The following CTNND2 variants were observed in gnomAD, a reference collection of about 807,000 sequenced individuals.
CTNND2 encodes the protein catenin delta-2.
CTNND2 carries 22 observed loss-of-function variants against 144.4 expected under a neutral mutation model. The observed-to-expected ratio is 0.15, with a 90% CI of 0.11 to 0.22. The LOEUF (loss-of-function observed/expected upper bound fraction) is 0.22, where lower values mean the gene tolerates loss of function less well. CTNND2 is among the 10% of genes least tolerant of loss of function. CTNND2 has a pLI of 1.00. For synonymous variants in CTNND2, 751 were observed against 695.6 expected, an observed-to-expected ratio of 1.08 and a Z score of -1.25; for missense variants, 1,353 against 1,618.8, an observed-to-expected ratio of 0.84 and a Z score of 2.82.
At position 10,973,656 on chromosome 5, in the gene CTNND2, G is replaced by T; in HGVS notation, c.3475C>A (p.Pro1159Thr). ...PSRKDYETYQPFQNSTRNYDE... is the reference protein window; with the variant it reads ...PSRKDYETYQTFQNSTRNYDE... ...TAATTTCTTGTGGAATTCTGAAATG[G>T]CTGGTAGGTCTCGTAATCTTTTCTG... is the stretch of plus-strand genomic sequence containing the variant. The change falls in exon 22 of 22, where the codon CCA becomes ACA. Residue 1159 changes from proline to threonine, a missense_variant. Coordinates refer to ENST00000304623, the MANE Select transcript of CTNND2 (RefSeq NM_001332.4). This position sits in a 1 kb window ranked among gnomAD's most constrained non-coding sequence, Gnocchi z 5.6. The T allele has an allele frequency of 6.2e-7, 1 of 1,613,936 alleles. No homozygotes were observed. The highest frequency in any genetic ancestry group is 8.5e-7 in the Non-Finnish European group (1 of 1,179,904).
chr5:11,319,173 C>A (rs939661749), intron 9 of CTNND2, among the ~76,000 whole-genome samples: 1 of 151,990 alleles, frequency 6.6e-6, no homozygotes, highest in Non-Finnish European at 1.5e-5. Flanking sequence ...TTCTGTAGAA[C>A]CTTCTATCTA....
chr5:11,636,365 G>C (rs1051460019), intron 2 of CTNND2, among the ~76,000 whole-genome samples: 2 of 152,152 alleles, frequency 1.3e-5, no homozygotes, highest in African/African-American at 2.4e-5. Context: ...AAAGTAAGAA[G>C]TAAATGCATG....
chr5:10,977,210 A>G (rs10052295), intron 21 of CTNND2, among the ~76,000 whole-genome samples: 44,512 of 152,118 alleles, frequency 0.29, 7,150 homozygotes, highest in African/African-American at 0.43. Flanking sequence ...TCATTTCTGC[A>G]GACAATTACA....
At chr5:11,051,830 G>A (rs1190073033) in intron 16 of CTNND2, among the ~76,000 whole-genome samples, 1 of 152,140 alleles carries the variant, frequency 6.6e-6, no homozygotes, top group Non-Finnish European at 1.5e-5. Context: ...CAGATCTTGT[G>A]TCCCAAAGCA....
chr5:11,369,518 C>G (rs1757273045), intron 7 of CTNND2, among the ~76,000 whole-genome samples: 1 of 152,156 alleles, frequency 6.6e-6, no homozygotes, highest in Non-Finnish European at 1.5e-5. Context: ...CGATTTGTAA[C>G]TAAATTTCTA....
At chr5:11,049,573 AC>A (rs2149579718) in intron 16 of CTNND2, among the ~76,000 whole-genome samples, 1 of 152,240 alleles carries the variant, frequency 6.6e-6, no homozygotes, top group East Asian at 1.9e-4. Flanking sequence ...CTGCGAGTTT[AC>A]CCCAGTCAGC....
intron 9 of CTNND2, among the ~76,000 whole-genome samples, chr5:11,321,714 T>C (rs1227000688): frequency 1.3e-5 from 2 of 152,190 alleles, no homozygotes; most frequent in East Asian, 3.9e-4. Flanking sequence ...AATGCACATA[T>C]GCACCACACA....
intron 9 of CTNND2, 121 bp from the exon 10 acceptor site, chr5:11,236,944 G>C: frequency 9.2e-7 from 1 of 1,081,344 alleles, no homozygotes; most frequent in Non-Finnish European, 1.3e-6. Context: ...ATAAATGACT[G>C]TTCTGGTTTT....
chr5:11,399,976 T>C (rs1368887276), intron 5 of CTNND2, among the ~76,000 whole-genome samples: 1 of 152,248 alleles, frequency 6.6e-6, no homozygotes, highest in African/African-American at 2.4e-5. Flanking sequence ...TTAGGACAAT[T>C]CTTAACTACT....
At chr5:11,320,697 A>T (rs1004417665) in intron 9 of CTNND2, among the ~76,000 whole-genome samples, 2 of 152,280 alleles carry the variant, frequency 1.3e-5, no homozygotes, top group African/African-American at 4.8e-5. Context: ...ATCAGATCCC[A>T]TTCACTATCA....
intron 1 of CTNND2, among the ~76,000 whole-genome samples, chr5:11,829,928 T>C (rs1793806255): frequency 1.3e-5 from 2 of 152,108 alleles, no homozygotes; most frequent in South Asian, 2.1e-4. Flanking sequence ...CCCAAGACCA[T>C]AGGAACCCAT....
intron 2 of CTNND2, among the ~76,000 whole-genome samples, chr5:11,654,672 C>A (rs1025002891): frequency 6.7e-6 from 1 of 150,288 alleles, no homozygotes; most frequent in African/African-American, 2.4e-5. Flanking sequence ...TTTTTTTTTA[C>A]ATACAGGACC....
rs765074687 is a variant in CTNND2 at position 11,236,694 on chromosome 5, G to T, written c.1758C>A (p.Ala586=). 3.1e-6 allele frequency: 5 copies of T among 1,613,952 alleles called. No individual in the cohort carries two copies. The highest frequency in any genetic ancestry group is 3.3e-5 in the Admixed American group (2 of 59,994). The change falls in exon 10 of 22, where the codon GCC becomes GCA. Residue 586 remains alanine, a synonymous_variant. Coordinates refer to ENST00000304623, the MANE Select transcript of CTNND2 (RefSeq NM_001332.4). Reference sequence around the variant, plus strand: ...TCAGAATCCAAGGAGCACTGACCTCGGCTTTAATTTTGTTGTCTCCAAAAC... The same window carrying T: ...TCAGAATCCAAGGAGCACTGACCTCTGCTTTAATTTTGTTGTCTCCAAAAC... ...HLCFGDNKIK[A]EIRRQGGIQL...
At chr5:11,743,549 A>G (rs1169897543) in intron 1 of CTNND2, among the ~76,000 whole-genome samples, 1 of 152,222 alleles carries the variant, frequency 6.6e-6, no homozygotes, top group Non-Finnish European at 1.5e-5. Context: ...AGAGAAGATC[A>G]TGCAAGGATG....
chr5:11,391,027 G>A lies in CTNND2; in HGVS notation c.613-5798C>T, dbSNP rs747849956. On this transcript the variant is annotated intron_variant, in intron 6 of 21. Coordinates refer to ENST00000304623, the MANE Select transcript of CTNND2 (RefSeq NM_001332.4). ...GGAGTCAAAATGTGAATGTGGCCAC[G>A]GACTGGGGGAGGAAGACATTGGAGC... Among the ~76,000 whole-genome samples the A allele has an allele frequency of 2.6e-5, 4 of 152,108 alleles. No homozygotes were observed. In the East Asian group the frequency reaches 5.8e-4, roughly 22 times the overall value.
At chr5:11,711,887 G>A (rs1017311229) in intron 2 of CTNND2, among the ~76,000 whole-genome samples, 10 of 152,196 alleles carry the variant, frequency 6.6e-5, no homozygotes, top group Non-Finnish European at 1.3e-4. Context: ...TGGTAGGTGG[G>A]CAGATTATAA....
intron 1 of CTNND2, among the ~76,000 whole-genome samples, chr5:11,873,248 C>A (rs1156660914): frequency 6.6e-6 from 1 of 152,152 alleles, no homozygotes; most frequent in Non-Finnish European, 1.5e-5. Flanking sequence ...GTGTTTATGG[C>A]AGAGCACATT....
intron 9 of CTNND2, among the ~76,000 whole-genome samples, chr5:11,310,111 C>T (rs1304269838): frequency 1.3e-5 from 2 of 152,060 alleles, no homozygotes; most frequent in African/African-American, 4.8e-5. Flanking sequence ...GACTAATATA[C>T]TATCTACATA....
intron 2 of CTNND2, among the ~76,000 whole-genome samples, chr5:11,652,246 G>A (rs1185433805): frequency 7.2e-5 from 11 of 152,202 alleles, no homozygotes; most frequent in Non-Finnish European, 1.3e-4. Flanking sequence ...GCACCTCCCC[G>A]TTTGCTTTCT....
Sources: allele counts gnomAD v4.1 joint callset (sites outside exome capture counted in the v4.1 genomes callset), GRCh38; gene constraint gnomAD v4.1.1; non-coding constraint Gnocchi (gnomAD v3.1); transcripts MANE v1.5; gene names NCBI Gene and HGNC (gene_info 2026-07-23, HGNC 2026-07-21).